The following FNDC1 variants were observed in gnomAD, a reference collection of about 807,000 sequenced individuals.
FNDC1 encodes the protein fibronectin type III domain-containing protein 1.
In FNDC1, 96 loss-of-function variants were observed where a neutral mutation model predicts 168.0. The ratio of observed to expected loss-of-function variants is 0.57; its 90% CI spans 0.48 to 0.68. The LOEUF (loss-of-function observed/expected upper bound fraction) is 0.68. Among genes scored for constraint, FNDC1 ranks in the 30% least tolerant of loss-of-function variants. The pLI, the probability that FNDC1 is intolerant of heterozygous loss-of-function variation, is 0.00. For synonymous variants in FNDC1, 1,099 were observed against 1,025.9 expected, an observed-to-expected ratio of 1.07 and a Z score of -1.36; for missense variants, 2,587 against 2,482.1, an observed-to-expected ratio of 1.04 and a Z score of -0.90.
At chr6:159,269,156 C>CTATGTATGTATGTATGTATG (rs376690309) in intron 22 of FNDC1, among the ~76,000 whole-genome samples, 20 of 142,650 alleles carry the variant, frequency 1.4e-4, no homozygotes, top group African/African-American at 4.0e-4. Flanking sequence ...ATCCATCTGT[C>CTATGTATGTATGTATGTATG]TATGTATGTA....
At chr6:159,225,426 TCTTA>T (rs929425521) in intron 7 of FNDC1, 105 bp from the exon 8 acceptor site, 11 of 858,058 alleles carry the variant, frequency 1.3e-5, no homozygotes, top group Non-Finnish European at 8.5e-6. Context: ...TCTTTGATTT[TCTTA>T]CTTACCTCCC....
At chr6:159,176,291 T>C (rs1781760077) in intron 1 of FNDC1, among the ~76,000 whole-genome samples, 1 of 152,180 alleles carries the variant, frequency 6.6e-6, no homozygotes, top group South Asian at 2.1e-4. Context: ...CATTCATCCA[T>C]TCAGCAAGGG....
At chr6:159,247,003 C>T in intron 15 of FNDC1, 34 bp downstream of exon 15, 1 of 1,377,378 alleles carries the variant, frequency 7.3e-7, no homozygotes, top group Non-Finnish European at 1.0e-6. Context: ...TATTTGCACA[C>T]TTTCTTTCCT....
At chr6:159,193,020 C>T (rs530277797) in intron 1 of FNDC1, among the ~76,000 whole-genome samples, 9 of 152,226 alleles carry the variant, frequency 5.9e-5, no homozygotes, top group Admixed American at 3.3e-4. Context: ...AAATTGGACA[C>T]GAGGAAGTTG....
rs1783099418 is a variant in FNDC1 at position 159,232,173 on chromosome 6, T to C, written c.1661T>C (p.Met554Thr). 8.1e-6 allele frequency: 13 copies of C among 1,613,754 alleles called. No homozygotes were observed. The highest frequency in any genetic ancestry group is 1.1e-5 in the Non-Finnish European group (13 of 1,179,860). Residue 554 changes from methionine to threonine, a missense_variant, in exon 11 of 23, where the codon ATG (methionine) becomes ACG (threonine). Met to Thr is a moderately conservative substitution (Grantham distance 81). Coordinates refer to ENST00000297267, the MANE Select transcript of FNDC1 (RefSeq NM_032532.3). The surrounding 1 kb of genome is among the most constrained non-coding windows in gnomAD (Gnocchi z 4.9). ...EELGSREDSP[M>T]SPSDTQDQKR... ...CTGGGTTCCCGGGAGGACTCGCCCATGTCACCCTCAGACACCCAAGACCAG... is the reference window on the plus strand; with the variant it reads ...CTGGGTTCCCGGGAGGACTCGCCCACGTCACCCTCAGACACCCAAGACCAG...
At chr6:159,197,238 G>T (rs116056229) in intron 1 of FNDC1, among the ~76,000 whole-genome samples, 193 bp from the exon 2 acceptor site, 139 of 152,270 alleles carry the variant, frequency 9.1e-4, no homozygotes, top group African/African-American at 3.2e-3. Context: ...ATACACGAAG[G>T]CCTGTGGGTT....
At chr6:159,202,023 G>A (rs901451269) in intron 4 of FNDC1, among the ~76,000 whole-genome samples, 10 of 152,340 alleles carry the variant, frequency 6.6e-5, no homozygotes, top group Non-Finnish European at 4.4e-5. Context: ...TCAGACAGCC[G>A]TGTTCCAGCT....
At chr6:159,268,687 T>TATCC (rs1004873174) in intron 22 of FNDC1, among the ~76,000 whole-genome samples, 4 of 149,574 alleles carry the variant, frequency 2.7e-5, no homozygotes, top group African/African-American at 9.9e-5. Context: ...TCCATCTATC[T>TATCC]ATCCATCCAT....
At chr6:159,211,391 G>A (rs1018729956) in intron 4 of FNDC1, among the ~76,000 whole-genome samples, 4 of 152,312 alleles carry the variant, frequency 2.6e-5, no homozygotes, top group Admixed American at 6.5e-5. Context: ...GTGGTCATGC[G>A]TTCTTTTACA....
At chr6:159,225,368 CT>C (rs1782930070) in intron 7 of FNDC1, among the ~76,000 whole-genome samples, 166 bp from the exon 8 acceptor site, 2 of 152,138 alleles carry the variant, frequency 1.3e-5, no homozygotes, top group African/African-American at 4.8e-5. Flanking sequence ...GACAACTTTG[CT>C]TGGAACTTTG....
At position 159,232,168 on chromosome 6, in the gene FNDC1, G is replaced by C; in HGVS notation, c.1656G>C (p.Ser552=). 1 of 1,613,752 alleles carries C rather than the reference G, an allele frequency of 6.2e-7. No individual in the cohort carries two copies. Residue 552 remains serine (S), a synonymous_variant, in exon 11 of 23, where the codon TCG becomes TCC. Transcript: ENST00000297267. The surrounding 1 kb of genome is among the most constrained non-coding windows in gnomAD (Gnocchi z 4.9). ...GEEELGSRED[S]PMSPSDTQDQ... ...AGGAGCTGGGTTCCCGGGAGGACTCGCCCATGTCACCCTCAGACACCCAAG... is the reference window on the plus strand; with the variant it reads ...AGGAGCTGGGTTCCCGGGAGGACTCCCCCATGTCACCCTCAGACACCCAAG...
intron 2 of FNDC1, 93 bp from the exon 3 acceptor site, chr6:159,199,903 G>A: frequency 9.6e-7 from 1 of 1,041,514 alleles, no homozygotes; most frequent in Non-Finnish European, 1.5e-6. Flanking sequence ...GTTATAACTG[G>A]TATAAGGAAG....
rs1482203293 is a variant in FNDC1, at chr6:159,239,958, G to A, written c.4621+1G>A. On this transcript the variant is annotated splice_donor_variant, in intron 14 of 22. Coordinates refer to ENST00000297267, the MANE Select transcript of FNDC1 (RefSeq NM_032532.3). LOFTEE classifies it high-confidence loss of function. ...ATCCCAGAGTGCTACGCTGAAGAAG[G>A]TAACTGCCTTTGTTCTAATGCTAAC... 1.4e-6 allele frequency: 2 copies of A among 1,473,552 alleles called. No homozygotes were observed. Among genetic ancestry groups the A allele is most frequent in the African/African-American group, 1.4e-5 (1 of 70,576 alleles). 91.3% of individuals were successfully genotyped at this position (1,473,552 alleles called of 1,614,324 possible).
chr6:159,169,605 C>G lies in FNDC1; in HGVS notation c.9C>G (p.Pro3=), dbSNP rs189260029. ...CCCACCCCGGGCTCTCGATGGCCCC[C>G]GAGGCCGGGGCGACCCTGCGCGCGC... is the stretch of plus-strand genomic sequence containing the variant. MA[P]EAGATLRAPR... Residue 3 remains proline, a synonymous_variant, in exon 1 of 23, where the codon CCC becomes CCG. Transcript: ENST00000297267. This position sits in a 1 kb window ranked among gnomAD's most constrained non-coding sequence, Gnocchi z 6.8. 10 of 1,118,516 alleles carry G rather than the reference C, an allele frequency of 8.9e-6. No individual in the cohort carries two copies. Among genetic ancestry groups the G allele is most frequent in the Non-Finnish European group, 1.1e-5 (10 of 916,360 alleles). 69.3% of individuals were successfully genotyped at this position (1,118,516 alleles called of 1,614,324 possible).
intron 5 of FNDC1, among the ~76,000 whole-genome samples, chr6:159,219,177 A>G (rs929296216): frequency 6.6e-6 from 1 of 151,874 alleles, no homozygotes; most frequent in Non-Finnish European, 1.5e-5. Context: ...AGTAGTTAGG[A>G]CTACAGGCAC....
chr6:159,247,718 G>C (rs1360352695), intron 15 of FNDC1, among the ~76,000 whole-genome samples: 2 of 152,068 alleles, frequency 1.3e-5, no homozygotes, highest in African/African-American at 4.8e-5. Flanking sequence ...CAGCCTGGGT[G>C]AGAGAGCAAC....
At chr6:159,178,682 CTA>C (rs917347987) in intron 1 of FNDC1, among the ~76,000 whole-genome samples, 11 of 151,668 alleles carry the variant, frequency 7.3e-5, no homozygotes, top group African/African-American at 2.7e-4. Flanking sequence ...TGTCCAAAGA[CTA>C]TTTTTAAAAG....
chr6:159,245,546 T>C (rs912296419), intron 14 of FNDC1, among the ~76,000 whole-genome samples: 1 of 152,182 alleles, frequency 6.6e-6, no homozygotes, highest in African/African-American at 2.4e-5. Flanking sequence ...TGAGATGTTC[T>C]CCTTTTTACA....
At chr6:159,231,442 G>A (rs1325445980) in intron 10 of FNDC1, among the ~76,000 whole-genome samples, 7 of 152,172 alleles carry the variant, frequency 4.6e-5, no homozygotes, top group African/African-American at 1.4e-4. Flanking sequence ...TTTGAGTATA[G>A]ATTATTCAGC....
Sources: gnomAD v4.1 joint callset for allele counts (sites outside exome capture counted in the v4.1 genomes callset) on GRCh38, gnomAD v4.1.1 for gene constraint, Gnocchi (gnomAD v3.1) non-coding constraint, MANE v1.5 for transcripts, NCBI Gene and HGNC (gene_info 2026-07-23, HGNC 2026-07-21) for gene names.